RORA: variants seen among roughly 807,000 people sequenced by gnomAD.
The protein encoded by RORA is nuclear receptor ROR-alpha.
A neutral mutation model predicts 69.5 loss-of-function variants in RORA; 7 were observed. That is an observed-to-expected ratio of 0.10 (90% CI 0.06 to 0.19). The LOEUF (loss-of-function observed/expected upper bound fraction) is 0.19. Ranked by LOEUF, RORA falls within the 10% of genes least tolerant of loss-of-function variation. The pLI, the probability that RORA is intolerant of heterozygous loss-of-function variation, is 1.00. For missense variants in RORA, 457 were observed against 663.0 expected (o/e 0.69, Z 3.41); for synonymous variants, 261 against 240.8 (o/e 1.08, Z -0.78).
chr15:60,830,946 C>A (rs908892378), intron 1 of RORA, among the ~76,000 whole-genome samples: 2 of 152,064 alleles, frequency 1.3e-5, no homozygotes, highest in African/African-American at 4.8e-5. Flanking sequence ...TGTGCATGCA[C>A]GTGTGTGTGT....
At chr15:61,071,589 GT>G (rs2078361636) in intron 1 of RORA, among the ~76,000 whole-genome samples, 1 of 24,708 alleles carries the variant, frequency 4.0e-5, no homozygotes, top group African/African-American at 2.0e-4. Context: ...GAGGGGAGGG[GT>G]GGGGAGGGGA....
At chr15:61,182,363 G>A (rs940804449) in intron 1 of RORA, among the ~76,000 whole-genome samples, 1 of 152,212 alleles carries the variant, frequency 6.6e-6, no homozygotes, top group Non-Finnish European at 1.5e-5. Flanking sequence ...GCAAAACAAA[G>A]TAGTGCAGAT....
intron 1 of RORA, among the ~76,000 whole-genome samples, chr15:61,019,201 C>T (rs1240957268): frequency 2.0e-5 from 3 of 152,240 alleles, no homozygotes; most frequent in Non-Finnish European, 2.9e-5. Flanking sequence ...GCGCTCCACG[C>T]AGCTCCTCTG....
chr15:60,556,742 A>C, intron 2 of RORA: 1 of 794,090 alleles, frequency 1.3e-6, no homozygotes, highest in Non-Finnish European at 2.1e-6. Flanking sequence ...CTTTCTCTTC[A>C]TCATTTTCTG....
chr15:61,204,720 C>T (rs2079924688), intron 1 of RORA, among the ~76,000 whole-genome samples: 1 of 152,242 alleles, frequency 6.6e-6, no homozygotes, highest in African/African-American at 2.4e-5. Context: ...GGGAAAAGAG[C>T]ACTTCCTCAC....
chr15:60,653,326 TGTGC>T lies in RORA; in HGVS notation c.196+25327_196+25330del, dbSNP rs746768458. The stretch of plus-strand genomic sequence containing the variant: ...GTGTGTGTGTGTGTGTGTGTGTGTG[TGTGC>T]GTATTTGAACATGTTCAGGTCATGA... On this transcript the variant is annotated intron_variant, in intron 2 of 10. Transcript: ENST00000335670. 2.0e-5 allele frequency among the ~76,000 whole-genome samples: 3 copies of T among 149,870 alleles called. No individual in the cohort carries two copies. In the Admixed American group the frequency reaches 2.0e-4, roughly 10 times the overall value.
At chr15:61,049,155 G>C (rs1012108650) in intron 1 of RORA, among the ~76,000 whole-genome samples, 1 of 152,154 alleles carries the variant, frequency 6.6e-6, no homozygotes, top group Non-Finnish European at 1.5e-5. Context: ...CAATTCTCTT[G>C]TTGTCGTCAA....
rs1892106705 is a variant in RORA at position 60,923,323 on chromosome 15, C to T, written c.167-244637G>A. 2.0e-5 allele frequency among the ~76,000 whole-genome samples: 3 copies of T among 152,166 alleles called. No homozygotes were observed. In the South Asian group the frequency reaches 6.2e-4, roughly 32 times the overall value. ...GCTTCCTCTAAGGAGATCATGAGTC[C>T]CCCCACTCCCGAACAAAGGGCCTTC... is the stretch of plus-strand genomic sequence containing the variant. On this transcript the variant is annotated intron_variant, in intron 1 of 10. Coordinates refer to ENST00000335670, the MANE Select transcript of RORA (RefSeq NM_134261.3).
At chr15:60,504,121 T>C (rs1461195061) in intron 6 of RORA, among the ~76,000 whole-genome samples, 2 of 152,172 alleles carry the variant, frequency 1.3e-5, no homozygotes, top group Non-Finnish European at 2.9e-5. Flanking sequence ...TTTAAGTAAT[T>C]ATTTTGCCTT....
At chr15:61,198,356 G>C (rs923440215) in intron 1 of RORA, among the ~76,000 whole-genome samples, 1 of 152,046 alleles carries the variant, frequency 6.6e-6, no homozygotes, top group Non-Finnish European at 1.5e-5. Flanking sequence ...CCTAGATCTA[G>C]GAGACTTGAG....
At chr15:60,985,922 T>G (rs1184322563) in intron 1 of RORA, among the ~76,000 whole-genome samples, 4 of 152,042 alleles carry the variant, frequency 2.6e-5, no homozygotes, top group Non-Finnish European at 5.9e-5. Context: ...AAATTAAGAG[T>G]TTATCTGAAG....
intron 2 of RORA, among the ~76,000 whole-genome samples, chr15:60,663,381 G>A (rs2070332484): frequency 6.6e-6 from 1 of 152,200 alleles, no homozygotes; most frequent in African/African-American, 2.4e-5. Flanking sequence ...TGCCAAGAGG[G>A]TTAGTTCCAG....
At position 61,126,650 on chromosome 15, in the gene RORA, C is replaced by T. The variant is rs1023681106; in HGVS notation, c.166+102403G>A. Among the ~76,000 whole-genome samples the T allele has an allele frequency of 5.9e-5, 9 of 152,294 alleles. No homozygotes were observed. The South Asian group carries it at 8.3e-4, about 14-fold the overall frequency. On this transcript the variant is annotated intron_variant, in intron 1 of 10. Transcript: ENST00000335670. ...TTGTAGATGCCAGATAGAATATTCACGTCTTATCTTGTTTGAACATCAAAA... is the reference window on the plus strand; with the variant it reads ...TTGTAGATGCCAGATAGAATATTCATGTCTTATCTTGTTTGAACATCAAAA...
At chr15:60,934,957 C>G (rs1242342054) in intron 1 of RORA, among the ~76,000 whole-genome samples, 2 of 152,224 alleles carry the variant, frequency 1.3e-5, no homozygotes, top group African/African-American at 4.8e-5. Context: ...AAGCCGTTAA[C>G]TGTGTGCCAA....
intron 1 of RORA, among the ~76,000 whole-genome samples, chr15:60,788,981 A>T (rs1439018297): frequency 6.6e-6 from 1 of 152,240 alleles, no homozygotes; most frequent in Non-Finnish European, 1.5e-5. Flanking sequence ...CAGACCTACA[A>T]AGCGTTACCC....
intron 1 of RORA, among the ~76,000 whole-genome samples, chr15:60,832,075 A>G (rs879631701): frequency 2.6e-5 from 4 of 152,222 alleles, no homozygotes; most frequent in Non-Finnish European, 4.4e-5. Context: ...GTTATCGCAA[A>G]GACAGCTAGC....
At chr15:60,727,588 G>C (rs2071376565) in intron 1 of RORA, among the ~76,000 whole-genome samples, 1 of 152,170 alleles carries the variant, frequency 6.6e-6, no homozygotes, top group Non-Finnish European at 1.5e-5. Context: ...GACAGTTATA[G>C]ATTTCAGGGG....
At chr15:60,542,942 C>G (rs899580515) in intron 2 of RORA, among the ~76,000 whole-genome samples, 3 of 151,136 alleles carry the variant, frequency 2.0e-5, no homozygotes, top group African/African-American at 7.4e-5. Flanking sequence ...ACATACACTG[C>G]ACACGCACCC....
At chr15:60,828,381 G>A (rs1052586744) in intron 1 of RORA, among the ~76,000 whole-genome samples, 1 of 152,182 alleles carries the variant, frequency 6.6e-6, no homozygotes, top group African/African-American at 2.4e-5. Flanking sequence ...TACTTCAAAG[G>A]GCTCCAGAAG....
Sources: gnomAD v4.1 joint callset for allele counts (sites outside exome capture counted in the v4.1 genomes callset) on GRCh38, gnomAD v4.1.1 for gene constraint, MANE v1.5 for transcripts, NCBI Gene and HGNC (gene_info 2026-07-23, HGNC 2026-07-21) for gene names.